The following CUEDC1 variants were observed in gnomAD, a reference collection of about 807,000 sequenced individuals.
CUEDC1 encodes the protein CUE domain containing 1, also known as CUE domain-containing protein 1.
A neutral mutation model predicts 43.7 loss-of-function variants in CUEDC1; 30 were observed. That is an observed-to-expected ratio of 0.69 (90% CI 0.51 to 0.93). The LOEUF (loss-of-function observed/expected upper bound fraction) is 0.93. Among genes scored for constraint, CUEDC1 ranks in the 40% least tolerant of loss-of-function variants. The pLI, the probability that CUEDC1 is intolerant of heterozygous loss-of-function variation, is 0.00. For missense variants in CUEDC1, 486 were observed against 549.0 expected (o/e 0.89, Z 1.15); for synonymous variants, 223 against 223.6 (o/e 1.00, Z 0.02).
intron 1 of CUEDC1, among the ~76,000 whole-genome samples, chr17:57,895,037 T>C (rs1320576178): frequency 1.3e-5 from 2 of 152,248 alleles, no homozygotes; most frequent in African/African-American, 4.8e-5. Flanking sequence ...ATAATAGTCA[T>C]AATGAGAATA....
At chr17:57,909,825 G>A (rs1382050723) in intron 1 of CUEDC1, among the ~76,000 whole-genome samples, 2 of 152,244 alleles carry the variant, frequency 1.3e-5, no homozygotes, top group Non-Finnish European at 2.9e-5. Flanking sequence ...AGAGCAATGG[G>A]GAGGAGTCAG....
intron 1 of CUEDC1, among the ~76,000 whole-genome samples, chr17:57,899,148 C>T (rs1045550857): frequency 6.6e-6 from 1 of 152,170 alleles, no homozygotes; most frequent in Non-Finnish European, 1.5e-5. Flanking sequence ...GGAGGCCGCC[C>T]GCCTCAGGCA....
rs535055874 is a variant in CUEDC1, at chr17:57,885,447, G to T, written c.118C>A (p.Arg40Ser). ...PQELNNSRPA[R>S]QVRRLEFNQA... Reference sequence around the variant, plus strand: ...TTGAACTCCAGGCGGCGCACCTGGCGGGCAGGCCGGCTGTTGTTGAGCTCC... The same window carrying T: ...TTGAACTCCAGGCGGCGCACCTGGCTGGCAGGCCGGCTGTTGTTGAGCTCC... The change falls in exon 2 of 11, where the codon CGC becomes AGC. Residue 40 changes from arginine (R) to serine (S), a missense_variant. By Grantham distance (110) the Arg-to-Ser change is moderately radical. Coordinates refer to ENST00000577830, the MANE Select transcript of CUEDC1 (RefSeq NM_001271875.2). The T allele has an allele frequency of 8.1e-6, 13 of 1,597,992 alleles. No individual in the cohort carries two copies. The South Asian group carries it at 1.5e-4, about 18-fold the overall frequency.
chr17:57,899,325 C>CCCCTT (rs2074446592), intron 1 of CUEDC1, among the ~76,000 whole-genome samples: 1 of 152,212 alleles, frequency 6.6e-6, no homozygotes, highest in South Asian at 2.1e-4. Context: ...CAGCAGCGAT[C>CCCCTT]CCCTTGCACA....
Position 57,939,931 on chromosome 17 carries a change from C to T in CUEDC1, c.-316+15294G>A, listed in dbSNP as rs139299356. On this transcript the variant is annotated intron_variant, in intron 1 of 10. Transcript: ENST00000577830. ...AGAACAGCTGCGTCAGCCACCCCCA[C>T]CACACCCCCACACACCCCCGGCACT... Among the ~76,000 whole-genome samples, 1,480 of 152,068 alleles carry T rather than the reference C, an allele frequency of 9.7e-3. 26 individuals are homozygous for T. Among genetic ancestry groups the T allele is most frequent in the African/African-American group, 0.034 (1,427 of 41,454 alleles).
chr17:57,947,561 G>A (rs1364174885), intron 1 of CUEDC1, among the ~76,000 whole-genome samples: 35 of 152,314 alleles, frequency 2.3e-4, no homozygotes, highest in Non-Finnish European at 1.0e-4. Context: ...TACTTTGGGA[G>A]GCTAAGGCGA....
chr17:57,879,534 C>G (rs1250363564), intron 3 of CUEDC1, 77 bp downstream of exon 3: 14 of 1,475,098 alleles, frequency 9.5e-6, no homozygotes, highest in Non-Finnish European at 1.3e-5. Context: ...AGCCAAGTTT[C>G]GTGTTGTTTG....
intron 9 of CUEDC1, chr17:57,866,866 T>A: frequency 2.6e-6 from 1 of 383,400 alleles, no homozygotes; most frequent in Non-Finnish European, 4.8e-6. Context: ...AGTCCTTGTT[T>A]CTGGATGCCT....
chr17:57,912,080 C>T (rs1170254666), intron 1 of CUEDC1, among the ~76,000 whole-genome samples: 1 of 152,216 alleles, frequency 6.6e-6, no homozygotes, highest in Non-Finnish European at 1.5e-5. Flanking sequence ...CAGAAGCCTA[C>T]AGAAGGTGCT....
chr17:57,883,195 C>T (rs972335112), intron 2 of CUEDC1, among the ~76,000 whole-genome samples: 3 of 152,318 alleles, frequency 2.0e-5, no homozygotes, highest in Admixed American at 6.5e-5. Context: ...AGCAGCAACA[C>T]GTACTCATTC....
intron 1 of CUEDC1, among the ~76,000 whole-genome samples, chr17:57,928,929 T>C (rs1186881534): frequency 2.0e-5 from 3 of 151,940 alleles, no homozygotes; most frequent in Non-Finnish European, 1.5e-5. Flanking sequence ...CCAATTCTGA[T>C]CCTGGGTTTT....
chr17:57,910,595 C>T (rs998472380), intron 1 of CUEDC1, among the ~76,000 whole-genome samples: 3 of 141,504 alleles, frequency 2.1e-5, no homozygotes, highest in Non-Finnish European at 4.5e-5. Context: ...GATCCTGTCT[C>T]TTAAAAAAAG....
intron 1 of CUEDC1, among the ~76,000 whole-genome samples, chr17:57,900,666 TA>T (rs2074461713): frequency 6.6e-6 from 1 of 152,246 alleles, no homozygotes. Context: ...TATAGATAGA[TA>T]CACTGAGTCG....
Position 57,879,611 on chromosome 17 carries a change from C to T in CUEDC1, c.464G>A (p.Arg155His), listed in dbSNP as rs893306649. The T allele has an allele frequency of 4.4e-6, 7 of 1,587,708 alleles. No individual in the cohort carries two copies. The highest frequency in any genetic ancestry group is 1.9e-5 in the Admixed American group (1 of 52,854). Residue 155 changes from arginine (R) to histidine (H), a missense_variant and splice_region_variant, in exon 3 of 11, where the codon CGT becomes CAT. Arg to His is a conservative substitution (Grantham distance 29). Transcript: ENST00000577830. The part of the protein sequence containing the change: ...YPLAPPTPPP[R>H]IDALGSGAPT... ...GCTCTGAGACATGACAGATTCTCAC[C>T]GGGGAGGCGGAGTCGGGGGAGCCAG... is the stretch of plus-strand genomic sequence containing the variant.
At chr17:57,909,755 C>T (rs1567714130) in intron 1 of CUEDC1, among the ~76,000 whole-genome samples, 2 of 152,242 alleles carry the variant, frequency 1.3e-5, no homozygotes, top group Non-Finnish European at 2.9e-5. Flanking sequence ...CATCCCCAGG[C>T]TCCTCCCCTG....
At chr17:57,936,334 C>T (rs753070066) in intron 1 of CUEDC1, among the ~76,000 whole-genome samples, 1 of 152,234 alleles carries the variant, frequency 6.6e-6, no homozygotes, top group Admixed American at 6.5e-5. Flanking sequence ...GGAGCAGAGG[C>T]TCTAAATAAT....
chr17:57,914,625 A>G (rs913404617), intron 1 of CUEDC1, among the ~76,000 whole-genome samples: 1 of 152,194 alleles, frequency 6.6e-6, no homozygotes, highest in Non-Finnish European at 1.5e-5. Context: ...GGATAATGCT[A>G]TCTGGGGCCT....
intron 8 of CUEDC1, 95 bp downstream of exon 8, chr17:57,868,055 C>G: frequency 9.4e-7 from 1 of 1,063,984 alleles, no homozygotes; most frequent in Non-Finnish European, 1.5e-6. Context: ...GTTCCACTCC[C>G]AGGGGAGGGC....
At chr17:57,950,783 C>G (rs1188687628) in intron 1 of CUEDC1, among the ~76,000 whole-genome samples, 1 of 152,202 alleles carries the variant, frequency 6.6e-6, no homozygotes, top group Non-Finnish European at 1.5e-5. Flanking sequence ...AGCTTGCACT[C>G]TTGACTGCCT....
Sources: allele counts gnomAD v4.1 joint callset (sites outside exome capture counted in the v4.1 genomes callset), GRCh38; gene constraint gnomAD v4.1.1; transcripts MANE v1.5; gene names NCBI Gene and HGNC (gene_info 2026-07-23, HGNC 2026-07-21).